TSPAN15: variants seen among roughly 807,000 people sequenced by gnomAD.
TSPAN15 encodes the protein tetraspanin 15, also known as tetraspanin-15.
TSPAN15 carries 20 observed loss-of-function variants against 34.5 expected under a neutral mutation model. The ratio of observed to expected loss-of-function variants is 0.58; its 90% CI spans 0.41 to 0.84. The LOEUF (loss-of-function observed/expected upper bound fraction) is 0.84. Ranked by LOEUF, TSPAN15 falls within the 40% of genes least tolerant of loss-of-function variation. The pLI, the probability that TSPAN15 is intolerant of heterozygous loss-of-function variation, is 0.00. For missense variants in TSPAN15, 313 were observed against 386.1 expected (o/e 0.81, Z 1.59); for synonymous variants, 155 against 153.9 (o/e 1.01, Z -0.05).
the TSPAN15 span, among the ~76,000 whole-genome samples, chr10:69,542,163 TA>T: frequency 6.6e-6 from 1 of 152,190 alleles, no homozygotes; most frequent in Non-Finnish European, 1.5e-5. Context: ...CACAGATCTC[TA>T]GGGCAGGGGG....
the TSPAN15 span, among the ~76,000 whole-genome samples, chr10:69,534,267 G>A: frequency 6.6e-6 from 1 of 152,178 alleles, no homozygotes; most frequent in Non-Finnish European, 1.5e-5. Context: ...ACCAACATGT[G>A]GGAACTCAGG....
chr10:69,465,054 C>T (rs1841354060), intron 1 of TSPAN15, among the ~76,000 whole-genome samples: 1 of 152,222 alleles, frequency 6.6e-6, no homozygotes, highest in Non-Finnish European at 1.5e-5. Context: ...GATGAACCAG[C>T]CCTGTCCCTG....
chr10:69,533,302 G>T, the TSPAN15 span, among the ~76,000 whole-genome samples: 17 of 151,296 alleles, frequency 1.1e-4, no homozygotes, highest in African/African-American at 4.1e-4. Flanking sequence ...AAGAAACTGT[G>T]ATATATATAT....
At chr10:69,478,106 G>A (rs1841655171) in intron 1 of TSPAN15, among the ~76,000 whole-genome samples, 1 of 152,174 alleles carries the variant, frequency 6.6e-6, no homozygotes, top group Non-Finnish European at 1.5e-5. Context: ...CCAGCACCCT[G>A]CTCTGGGACA....
At chr10:69,459,617 G>A (rs558100843) in intron 1 of TSPAN15, among the ~76,000 whole-genome samples, 11 of 152,294 alleles carry the variant, frequency 7.2e-5, no homozygotes, top group East Asian at 1.9e-4. Context: ...GAGGAAGCCC[G>A]GGAAGGGCTG....
intron 1 of TSPAN15, among the ~76,000 whole-genome samples, chr10:69,459,138 A>C (rs1162862585): frequency 6.7e-6 from 1 of 149,002 alleles, no homozygotes; most frequent in South Asian, 2.1e-4. Flanking sequence ...ACAACAAAAC[A>C]ACCTTTCCCA....
At chr10:69,538,409 G>A in the TSPAN15 span, among the ~76,000 whole-genome samples, 4 of 152,202 alleles carry the variant, frequency 2.6e-5, no homozygotes, top group East Asian at 7.7e-4. Flanking sequence ...AGGAGCAGGA[G>A]GTTTGTTTGA....
Position 69,507,088 on chromosome 10 carries a change from A to C in TSPAN15, c.*110A>C. 6.6e-7 allele frequency: 1 copy of C among 1,511,258 alleles called. No individual in the cohort carries two copies. The highest frequency in any genetic ancestry group is 8.8e-7 in the Non-Finnish European group (1 of 1,131,704). 93.6% of individuals were successfully genotyped at this position (1,511,258 alleles called of 1,614,324 possible). ...GCCCCTCTGCCCACACTCAGTACTG[A>C]CCAAAGCCAGGGCTGTGTGTGCCTG... On this transcript the variant is annotated 3_prime_UTR_variant, in exon 8 of 8. Transcript: ENST00000373290.
chr10:69,480,303 T>A (rs895861922), intron 1 of TSPAN15, among the ~76,000 whole-genome samples: 2 of 151,886 alleles, frequency 1.3e-5, no homozygotes, highest in East Asian at 3.9e-4. Flanking sequence ...GGGAAGGATG[T>A]CAGCTGTCCC....
At chr10:69,527,580 A>C in the TSPAN15 span, among the ~76,000 whole-genome samples, 1 of 134,366 alleles carries the variant, frequency 7.4e-6, no homozygotes, top group South Asian at 2.4e-4. Flanking sequence ...GGGTAACGAG[A>C]GCGAAATTCC....
the TSPAN15 span, among the ~76,000 whole-genome samples, chr10:69,528,546 C>T: frequency 3.4e-3 from 513 of 148,738 alleles, 36 homozygotes; most frequent in Middle Eastern, 0.017. Context: ...ACAGTTTCAG[C>T]CCTATTGGTT....
chr10:69,543,403 C>T, the TSPAN15 span, among the ~76,000 whole-genome samples: 1 of 152,188 alleles, frequency 6.6e-6, no homozygotes, highest in African/African-American at 2.4e-5. Context: ...GCCCAATGCC[C>T]AAAGGACATT....
the TSPAN15 span, among the ~76,000 whole-genome samples, chr10:69,525,693 C>T: frequency 1.4e-5 from 2 of 145,856 alleles, no homozygotes; most frequent in Admixed American, 7.2e-5. Flanking sequence ...TGGTGGTGTG[C>T]GCCTGTAATC....
chr10:69,523,458 G>T, the TSPAN15 span: 1 of 549,844 alleles, frequency 1.8e-6, no homozygotes, highest in Non-Finnish European at 3.4e-6. Flanking sequence ...TGGCCCAAAG[G>T]GGCTTTCTGC....
At chr10:69,462,164 T>TTGTG (rs576737502) in intron 1 of TSPAN15, among the ~76,000 whole-genome samples, 9 of 128,194 alleles carry the variant, frequency 7.0e-5, no homozygotes, top group Non-Finnish European at 1.3e-4. Context: ...AGTTTTTTTT[T>TTGTG]TTTTTTTTTT....
intron 1 of TSPAN15, among the ~76,000 whole-genome samples, chr10:69,454,003 G>A (rs1841029669): frequency 6.6e-6 from 1 of 152,236 alleles, no homozygotes; most frequent in Admixed American, 6.5e-5. Context: ...GTGTGAGTAA[G>A]TAATCTGTCC....
chr10:69,488,246 T>A (rs1466504024), intron 3 of TSPAN15, among the ~76,000 whole-genome samples: 2 of 152,148 alleles, frequency 1.3e-5, no homozygotes, highest in East Asian at 3.9e-4. Flanking sequence ...TGTGATATGA[T>A]TTTGTAAAAC....
chr10:69,497,286 G>A (rs910285768), intron 4 of TSPAN15, among the ~76,000 whole-genome samples: 3 of 152,136 alleles, frequency 2.0e-5, no homozygotes, highest in Non-Finnish European at 2.9e-5. Flanking sequence ...AGCCCTGGTT[G>A]AGCCCTCCAG....
intron 1 of TSPAN15, among the ~76,000 whole-genome samples, chr10:69,464,468 C>T (rs1297519312): frequency 1.3e-5 from 2 of 152,206 alleles, no homozygotes; most frequent in Non-Finnish European, 2.9e-5. Context: ...CCATGCCCTA[C>T]TGCTGGTTTC....
Sources: allele counts gnomAD v4.1 joint callset (sites outside exome capture counted in the v4.1 genomes callset), GRCh38; gene constraint gnomAD v4.1.1; transcripts MANE v1.5; gene names NCBI Gene and HGNC (gene_info 2026-07-23, HGNC 2026-07-21).